The following LSAMP variants were observed in gnomAD, a reference collection of about 807,000 sequenced individuals.
LSAMP encodes limbic system associated membrane protein, also known as limbic system-associated membrane protein.
Under a neutral mutation model 38.6 loss-of-function variants are expected in LSAMP, and 7 were observed. The ratio of observed to expected loss-of-function variants is 0.18; its 90% CI spans 0.10 to 0.34. The LOEUF (loss-of-function observed/expected upper bound fraction) is 0.34. Ranked by LOEUF, LSAMP falls within the 10% of genes least tolerant of loss-of-function variation. The pLI is 1.00. For synonymous variants in LSAMP, 154 were observed against 166.8 expected, an observed-to-expected ratio of 0.92 and a Z score of 0.59; for missense variants, 313 against 420.0, an observed-to-expected ratio of 0.75 and a Z score of 2.23.
intron 1 of LSAMP, among the ~76,000 whole-genome samples, chr3:116,209,002 G>C (rs113956610): frequency 1.3e-5 from 2 of 152,148 alleles, no homozygotes; most frequent in Non-Finnish European, 2.9e-5. Context: ...CCGGAGCCTC[G>C]CTGCCGCCTT....
At chr3:116,408,711 G>C (rs932644555) in intron 1 of LSAMP, among the ~76,000 whole-genome samples, 4 of 152,070 alleles carry the variant, frequency 2.6e-5, no homozygotes, top group Non-Finnish European at 5.9e-5. Context: ...TAATGGCTGA[G>C]TCTATCTAAC....
chr3:116,344,294 G>A (rs1030876127), intron 1 of LSAMP, among the ~76,000 whole-genome samples: 2 of 152,052 alleles, frequency 1.3e-5, no homozygotes, highest in African/African-American at 2.4e-5. Flanking sequence ...GAAAGAAATT[G>A]TAGAAGAAAA....
At chr3:115,926,528 A>G (rs1937502717) in intron 3 of LSAMP, among the ~76,000 whole-genome samples, 1 of 152,178 alleles carries the variant, frequency 6.6e-6, no homozygotes, top group Non-Finnish European at 1.5e-5. Context: ...TCAAACATGG[A>G]TGAACATCTG....
chr3:116,336,027 CA>C (rs1394984399), intron 1 of LSAMP, among the ~76,000 whole-genome samples: 1 of 152,002 alleles, frequency 6.6e-6, no homozygotes, highest in African/African-American at 2.4e-5. Flanking sequence ...ACAGCCTCTT[CA>C]ACAAATGGTG....
intron 1 of LSAMP, among the ~76,000 whole-genome samples, chr3:116,330,455 AG>A (rs1243309683): frequency 6.6e-6 from 1 of 152,164 alleles, no homozygotes. Context: ...ATAAAGAAGC[AG>A]GTAACCGTTA....
chr3:115,974,555 A>G (rs1423278308), intron 3 of LSAMP, among the ~76,000 whole-genome samples: 1 of 151,966 alleles, frequency 6.6e-6, no homozygotes, highest in Non-Finnish European at 1.5e-5. Flanking sequence ...GTATCTACAC[A>G]TTTTCCTTAA....
chr3:116,254,197 T>A (rs1488231507), intron 1 of LSAMP, among the ~76,000 whole-genome samples: 1 of 152,104 alleles, frequency 6.6e-6, no homozygotes, highest in Non-Finnish European at 1.5e-5. Context: ...GATCTGTTGA[T>A]TAAAAAAAGC....
At chr3:115,812,380 A>G (rs977748278) in intron 6 of LSAMP, among the ~76,000 whole-genome samples, 4 of 152,146 alleles carry the variant, frequency 2.6e-5, no homozygotes, top group Non-Finnish European at 4.4e-5. Context: ...GAGATTCTGT[A>G]TCTTGCATGA....
intron 1 of LSAMP, among the ~76,000 whole-genome samples, chr3:116,300,992 C>T (rs747122045): frequency 7.3e-5 from 11 of 151,544 alleles, no homozygotes; most frequent in South Asian, 6.2e-4. Flanking sequence ...ATTTTTAATA[C>T]GTGGTTATTC....
chr3:116,319,501 C>T (rs1398455671), intron 1 of LSAMP, among the ~76,000 whole-genome samples: 1 of 152,080 alleles, frequency 6.6e-6, no homozygotes, highest in South Asian at 2.1e-4. Flanking sequence ...GCTTTAGTCA[C>T]CTAGCTAATA....
At chr3:116,408,201 T>A (rs2048923643) in intron 1 of LSAMP, among the ~76,000 whole-genome samples, 1 of 152,130 alleles carries the variant, frequency 6.6e-6, no homozygotes. Context: ...ATATATTGCC[T>A]ACAATTGGAA....
chr3:115,928,582 A>G (rs1219297359), intron 3 of LSAMP, among the ~76,000 whole-genome samples: 2 of 152,250 alleles, frequency 1.3e-5, no homozygotes, highest in East Asian at 3.8e-4. Context: ...TGTTAAGTGC[A>G]TATTGTGAAT....
At chr3:116,317,358 T>C (rs952897309) in intron 1 of LSAMP, among the ~76,000 whole-genome samples, 4 of 141,364 alleles carry the variant, frequency 2.8e-5, no homozygotes, top group South Asian at 4.3e-4. Context: ...CTTTCTTTCT[T>C]TTTTTTTTTT....
At chr3:116,192,022 GA>G (rs78480908) in intron 1 of LSAMP, among the ~76,000 whole-genome samples, 2 of 151,224 alleles carry the variant, frequency 1.3e-5, no homozygotes, top group African/African-American at 2.4e-5. Context: ...ATTACTGAGG[GA>G]AAAAAAAGAG....
At chr3:116,294,474 A>G (rs1319812275) in intron 1 of LSAMP, among the ~76,000 whole-genome samples, 1 of 152,194 alleles carries the variant, frequency 6.6e-6, no homozygotes, top group Non-Finnish European at 1.5e-5. Context: ...AGCATATGAA[A>G]ATCAATCTGA....
chr3:116,152,686 T>C (rs141650844), intron 1 of LSAMP, among the ~76,000 whole-genome samples: 10 of 152,224 alleles, frequency 6.6e-5, no homozygotes, highest in Non-Finnish European at 1.5e-4. Context: ...GATTAAATTC[T>C]TATGGCAGTA....
intron 3 of LSAMP, among the ~76,000 whole-genome samples, chr3:115,866,660 G>A (rs1935869271): frequency 6.6e-6 from 1 of 151,970 alleles, no homozygotes; most frequent in African/African-American, 2.4e-5. Context: ...GAAGAATTCT[G>A]AGCTCTCTTA....
At chr3:115,980,255 T>C (rs1939317667) in intron 3 of LSAMP, among the ~76,000 whole-genome samples, 2 of 152,186 alleles carry the variant, frequency 1.3e-5, no homozygotes. Flanking sequence ...GTAGATTTGT[T>C]ACTTAGAGTT....
At chr3:116,088,157 T>C (rs1220676131) in intron 1 of LSAMP, among the ~76,000 whole-genome samples, 3 of 152,116 alleles carry the variant, frequency 2.0e-5, no homozygotes, top group African/African-American at 4.8e-5. Context: ...GGGATTATAG[T>C]CATGAGCCAC....
Sources: gnomAD v4.1 joint callset for allele counts (sites outside exome capture counted in the v4.1 genomes callset) on GRCh38, gnomAD v4.1.1 for gene constraint, MANE v1.5 for transcripts, NCBI Gene and HGNC (gene_info 2026-07-23, HGNC 2026-07-21) for gene names.